Variants in CYRIA observed in about 807,000 individuals in gnomAD.
CYRIA encodes CYFIP related Rac1 interactor A.
In CYRIA, 15 loss-of-function variants were observed where a neutral mutation model predicts 43.9. The ratio of observed to expected loss-of-function variants is 0.34; its 90% CI spans 0.23 to 0.53. The LOEUF (loss-of-function observed/expected upper bound fraction) is 0.53, where lower values mean the gene tolerates loss of function less well. CYRIA is among the 20% of genes least tolerant of loss of function. The probability of loss-of-function intolerance (pLI) is 0.94; values close to 1 mark genes in which losing one functional copy is unlikely to be tolerated. For missense variants in CYRIA, 236 were observed against 394.2 expected (o/e 0.60, Z 3.40); for synonymous variants, 117 against 136.0 (o/e 0.86, Z 0.97).
At chr2:16,554,444 T>C (rs1471947582) in intron 11 of CYRIA, among the ~76,000 whole-genome samples, 1 of 152,168 alleles carries the variant, frequency 6.6e-6, no homozygotes, top group Non-Finnish European at 1.5e-5. Flanking sequence ...GCATCACTTG[T>C]TAGCAGTGAG....
chr2:16,590,832 GTGTTTCATCTCA>G (rs1453205334), intron 2 of CYRIA, among the ~76,000 whole-genome samples: 1 of 152,106 alleles, frequency 6.6e-6, no homozygotes, highest in Non-Finnish European at 1.5e-5. Context: ...TAGAAAACAA[GTGTTTCATCTCA>G]TTATGGCCAA....
intron 1 of CYRIA, among the ~76,000 whole-genome samples, chr2:16,641,300 C>T (rs949244924): frequency 6.6e-6 from 1 of 152,148 alleles, no homozygotes; most frequent in South Asian, 2.1e-4. Context: ...CCTCATTCTC[C>T]GCTCTTCCTT....
At chr2:16,553,090 T>C in intron 11 of CYRIA, 91 bp from the exon 12 acceptor site, 1 of 817,944 alleles carries the variant, frequency 1.2e-6, no homozygotes, top group South Asian at 1.4e-5. Context: ...CAATTGATAT[T>C]TGGGCTTATT....
At chr2:16,556,202 A>G (rs1191798672) in intron 10 of CYRIA, among the ~76,000 whole-genome samples, 5 of 152,050 alleles carry the variant, frequency 3.3e-5, no homozygotes, top group African/African-American at 4.8e-5. Context: ...GGCCTGATAG[A>G]CCCTGATAGA....
intron 1 of CYRIA, among the ~76,000 whole-genome samples, chr2:16,628,971 A>T (rs1291502712): frequency 6.6e-6 from 1 of 152,176 alleles, no homozygotes; most frequent in Non-Finnish European, 1.5e-5. Flanking sequence ...ATTTTAAAAG[A>T]CTGGTGGGTT....
chr2:16,593,939 C>A (rs1415945629), intron 2 of CYRIA, among the ~76,000 whole-genome samples: 1 of 120,042 alleles, frequency 8.3e-6, no homozygotes, highest in Non-Finnish European at 1.7e-5. Context: ...CATGTGATCT[C>A]ATTGTTCAAT....
At chr2:16,591,042 C>T (rs1270328102) in intron 2 of CYRIA, among the ~76,000 whole-genome samples, 1 of 152,080 alleles carries the variant, frequency 6.6e-6, no homozygotes. Flanking sequence ...TTCTGCATGA[C>T]AGATTACTCT....
chr2:16,604,141 C>A (rs1348237471), intron 2 of CYRIA, among the ~76,000 whole-genome samples: 2 of 152,190 alleles, frequency 1.3e-5, no homozygotes. Flanking sequence ...CTTCTAGCTA[C>A]TATGGGGCCC....
intron 2 of CYRIA, among the ~76,000 whole-genome samples, chr2:16,606,144 T>C (rs1668388819): frequency 6.6e-6 from 1 of 152,162 alleles, no homozygotes; most frequent in Admixed American, 6.5e-5. Flanking sequence ...CCCACAAGCA[T>C]AGCCATTCGG....
At chr2:16,639,912 C>A (rs1487219608) in intron 1 of CYRIA, among the ~76,000 whole-genome samples, 2 of 152,188 alleles carry the variant, frequency 1.3e-5, no homozygotes, top group South Asian at 2.1e-4. Context: ...TAAAGCCTGA[C>A]AATATTTTGG....
intron 2 of CYRIA, among the ~76,000 whole-genome samples, chr2:16,609,277 GGGGACCC>G (rs1558424698): frequency 6.6e-6 from 1 of 152,152 alleles, no homozygotes; most frequent in African/African-American, 2.4e-5. Context: ...AGCACACAAG[GGGGACCC>G]CTGGGGCCCC....
At chr2:16,663,525 A>C (rs988494654) in intron 1 of CYRIA, among the ~76,000 whole-genome samples, 2 of 152,024 alleles carry the variant, frequency 1.3e-5, no homozygotes, top group African/African-American at 4.8e-5. Flanking sequence ...GACAGCTGAC[A>C]GTGGGTGCCC....
intron 6 of CYRIA, 132 bp from the exon 7 acceptor site, chr2:16,561,665 T>C: frequency 1.4e-6 from 1 of 709,550 alleles, no homozygotes; most frequent in Non-Finnish European, 2.3e-6. Flanking sequence ...TCAAAGCAAC[T>C]TCTGGTTAGA....
At chr2:16,585,429 T>C (rs1402982074) in intron 3 of CYRIA, among the ~76,000 whole-genome samples, 2 of 152,176 alleles carry the variant, frequency 1.3e-5, no homozygotes, top group Admixed American at 1.3e-4. Flanking sequence ...GACTTCACCC[T>C]AGTTATTTAT....
chr2:16,588,449 G>T (rs1008646075), intron 2 of CYRIA, among the ~76,000 whole-genome samples: 14 of 150,744 alleles, frequency 9.3e-5, no homozygotes, highest in Non-Finnish European at 1.0e-4. Flanking sequence ...AAAACATAAA[G>T]AACAGCCTAT....
chr2:16,591,019 C>G (rs75216288), intron 2 of CYRIA, among the ~76,000 whole-genome samples: 8 of 152,056 alleles, frequency 5.3e-5, no homozygotes, highest in Non-Finnish European at 1.0e-4. Context: ...CTTGGAAAGG[C>G]CTCTCATCCA....
chr2:16,609,179 T>C (rs1668509268), intron 2 of CYRIA, among the ~76,000 whole-genome samples: 1 of 152,188 alleles, frequency 6.6e-6, no homozygotes, highest in South Asian at 2.1e-4. Flanking sequence ...TCATTCAACA[T>C]GGCTTCAGGC....
intron 1 of CYRIA, among the ~76,000 whole-genome samples, chr2:16,653,897 T>C (rs764234034): frequency 3.9e-5 from 6 of 152,238 alleles, no homozygotes; most frequent in Non-Finnish European, 5.9e-5. Context: ...TAACGCATAG[T>C]ATTTGCAAGT....
At chr2:16,616,564 C>G (rs1199925642) in intron 2 of CYRIA, among the ~76,000 whole-genome samples, 1 of 152,224 alleles carries the variant, frequency 6.6e-6, no homozygotes, top group Non-Finnish European at 1.5e-5. Context: ...GTGTCACACA[C>G]TAGGGATGTC....
Sources: gnomAD v4.1 joint callset for allele counts (sites outside exome capture counted in the v4.1 genomes callset) on GRCh38, gnomAD v4.1.1 for gene constraint, MANE v1.5 for transcripts, NCBI Gene and HGNC (gene_info 2026-07-23, HGNC 2026-07-21) for gene names.